The following FCAR variants were observed in gnomAD, a reference collection of about 807,000 sequenced individuals.
FCAR encodes Fc alpha receptor, also known as immunoglobulin alpha Fc receptor.
In FCAR, 21 loss-of-function variants were observed where a neutral mutation model predicts 27.1. The ratio of observed to expected loss-of-function variants is 0.77; its 90% confidence interval spans 0.55 to 1.11. The LOEUF (loss-of-function observed/expected upper bound fraction) is 1.11. Among genes scored for constraint, FCAR ranks in the 50% most tolerant of loss-of-function variants. The pLI, the probability that FCAR is intolerant of heterozygous loss-of-function variation, is 0.00. For synonymous variants in FCAR, 134 were observed against 135.8 expected, an observed-to-expected ratio of 0.99 and a Z score of 0.09; for missense variants, 404 against 358.4, an observed-to-expected ratio of 1.13 and a Z score of -1.03.
At chr19:54,888,447 C>T in intron 4 of FCAR, 153 bp downstream of exon 4, 1 of 1,435,242 alleles carries the variant, frequency 7.0e-7, no homozygotes, top group Non-Finnish European at 9.1e-7. Context: ...CCCCACCACA[C>T]TTTCCGCTTT....
intron 1 of FCAR, among the ~76,000 whole-genome samples, chr19:54,874,918 C>A (rs980425243): frequency 7.2e-4 from 109 of 152,104 alleles, no homozygotes; most frequent in Admixed American, 1.4e-3. Flanking sequence ...CACCTGCAAT[C>A]CCAGCACTTT....
intron 3 of FCAR, 46 bp downstream of exon 3, chr19:54,885,571 T>C (rs202172736): frequency 1.7e-4 from 237 of 1,388,746 alleles, no homozygotes; most frequent in South Asian, 6.6e-4. Context: ...ATTTTTTTCT[T>C]ATTTTTAATA....
intron 2 of FCAR, among the ~76,000 whole-genome samples, chr19:54,879,656 C>T (rs1302544517): frequency 4.1e-5 from 6 of 147,556 alleles, no homozygotes; most frequent in African/African-American, 1.5e-4. Flanking sequence ...CCTGCCCCTT[C>T]TTTTTTGCTG....
chr19:54,884,805 A>AT (rs111504118), intron 2 of FCAR, among the ~76,000 whole-genome samples: 49,705 of 151,142 alleles, frequency 0.33, 8,646 homozygotes, highest in Admixed American at 0.45. Context: ...TCTTTTTTTA[A>AT]TTTTTTTGTT....
At position 54,890,637 on chromosome 19, in the gene FCAR, C is replaced by A. The variant is rs1168219619; in HGVS notation, c.*774C>A. The stretch of plus-strand genomic sequence containing the variant: ...TAGAGACGGGGTTTCATCACATTGG[C>A]CAAGCTGGTCTCAAACTTCTGACCT... On this transcript the variant is annotated 3_prime_UTR_variant, in exon 5 of 5. Transcript: ENST00000355524. 3.3e-5 allele frequency: 5 copies of A among 151,774 alleles called. No homozygotes were observed. Among genetic ancestry groups the A allele is most frequent in the African/African-American group, 1.2e-4 (5 of 41,290 alleles). 9.4% of individuals were successfully genotyped at this position (151,774 alleles called of 1,614,324 possible).
At chr19:54,876,814 G>T (rs975017611) in intron 2 of FCAR, among the ~76,000 whole-genome samples, 1 of 152,092 alleles carries the variant, frequency 6.6e-6, no homozygotes, top group Non-Finnish European at 1.5e-5. Context: ...CCAGCTGCTC[G>T]GGAGGCTCAG....
intron 2 of FCAR, among the ~76,000 whole-genome samples, chr19:54,878,827 T>C (rs1036671203): frequency 9.9e-5 from 15 of 150,954 alleles, no homozygotes; most frequent in African/African-American, 3.6e-4. Context: ...ATGGATGTCA[T>C]TGCATATGAG....
intron 3 of FCAR, among the ~76,000 whole-genome samples, chr19:54,887,159 A>C (rs1234766971): frequency 6.6e-6 from 1 of 152,102 alleles, no homozygotes; most frequent in Admixed American, 6.6e-5. Flanking sequence ...AAAATCAAAA[A>C]ATTAGCTGGG....
intron 2 of FCAR, among the ~76,000 whole-genome samples, chr19:54,882,410 T>C (rs932157574): frequency 2.6e-5 from 4 of 151,884 alleles, no homozygotes; most frequent in African/African-American, 9.7e-5. Flanking sequence ...TTGCCAGAGT[T>C]CTTGTGTTGA....
Position 54,875,361 on chromosome 19 carries a change from G to A in FCAR, c.66G>A (p.Gln22=). Residue 22 remains glutamine (Q), a synonymous_variant, in exon 2 of 5, where the codon CAG becomes CAA. Transcript: ENST00000355524. ...GTCTGGGCCAGAGGATTCAGGCACA[G>A]GAAGGTAAGTGTCCTGTAAATCTCT... ...VLCLGQRIQA[Q]EGDFPMPFIS... 1 of 1,613,658 alleles carries A rather than the reference G, an allele frequency of 6.2e-7. No individual in the cohort carries two copies. Among genetic ancestry groups the A allele is most frequent in the South Asian group, 1.1e-5 (1 of 90,992 alleles).
chr19:54,883,678 G>A (rs1367052751), intron 2 of FCAR, among the ~76,000 whole-genome samples: 2 of 152,122 alleles, frequency 1.3e-5, no homozygotes, highest in East Asian at 1.9e-4. Context: ...AGAGCTACTG[G>A]GCATGGTGGC....
chr19:54,879,932 G>A (rs1167171616), intron 2 of FCAR, among the ~76,000 whole-genome samples: 4 of 152,086 alleles, frequency 2.6e-5, no homozygotes, highest in African/African-American at 4.8e-5. Flanking sequence ...TGATCCGCCC[G>A]CCTTGGTCTC....
At chr19:54,875,761 ACT>A (rs911586649) in intron 2 of FCAR, among the ~76,000 whole-genome samples, 6 of 152,032 alleles carry the variant, frequency 3.9e-5, no homozygotes, top group African/African-American at 1.4e-4. Flanking sequence ...CCTACTGAAC[ACT>A]CTAGCATTCT....
rs1158822445 is a variant in FCAR at position 54,891,133 on chromosome 19, C to T, written c.*1270C>T. ...ACTCAAATGGTCTTCCAAATAATTC[C>T]CCATTCTTTTTTCTTATAAACTTTC... On this transcript the variant is annotated 3_prime_UTR_variant, in exon 5 of 5. Coordinates refer to ENST00000355524, the MANE Select transcript of FCAR (RefSeq NM_002000.4). The T allele has an allele frequency of 2.0e-5, 3 of 152,028 alleles. No homozygotes were observed. Among genetic ancestry groups the T allele is most frequent in the African/African-American group, 7.2e-5 (3 of 41,398 alleles). The allele number at this position is 152,028 out of a possible 1,614,324, so 9.4% of individuals were successfully genotyped here. A position where few individuals can be genotyped will look rare whatever the true frequency, so the allele number is the denominator to read the frequency against.
At position 54,885,368 on chromosome 19, in the gene FCAR, C is replaced by T. The variant is rs150918480; in HGVS notation, c.204C>T (p.Tyr68=). The change falls in exon 3 of 5, where the codon TAC becomes TAT. Residue 68 remains tyrosine, a synonymous_variant. Transcript: ENST00000355524. ...TQLMIIKNST[Y]REIGRRLKFW... ...TGATGATCATAAAAAACTCCACGTA[C>T]CGAGAGATAGGCAGAAGACTGAAGT... 6 of 1,613,942 alleles carry T rather than the reference C, an allele frequency of 3.7e-6. No individual in the cohort carries two copies. Among genetic ancestry groups the T allele is most frequent in the Middle Eastern group, 1.6e-4 (1 of 6,082 alleles).
chr19:54,886,322 T>A (rs1172722617), intron 3 of FCAR, among the ~76,000 whole-genome samples: 1 of 129,526 alleles, frequency 7.7e-6, no homozygotes, highest in Non-Finnish European at 1.6e-5. Context: ...TTTTTTTTTT[T>A]TTGAGATGGA....
chr19:54,885,372 G>T lies in FCAR; in HGVS notation c.208G>T (p.Glu70Ter), dbSNP rs747319393. ...LMIIKNSTYR[E>*]IGRRLKFWNE... Reference sequence around the variant, plus strand: ...GATCATAAAAAACTCCACGTACCGAGAGATAGGCAGAAGACTGAAGTTTTG... The same window carrying T: ...GATCATAAAAAACTCCACGTACCGATAGATAGGCAGAAGACTGAAGTTTTG... Residue 70 changes from glutamate (E) to a stop codon, truncating the protein, a stop_gained, in exon 3 of 5, where the codon GAG (glutamate) becomes TAG (stop). Coordinates refer to ENST00000355524, the MANE Select transcript of FCAR (RefSeq NM_002000.4). LOFTEE classifies it high-confidence loss of function. The T allele has an allele frequency of 4.3e-6, 7 of 1,613,934 alleles. No homozygotes were observed. Among genetic ancestry groups the T allele is most frequent in the Non-Finnish European group, 5.9e-6 (7 of 1,180,026 alleles).
In FCAR at chr19:54,885,460, A is replaced by G. The variant is rs911806391; in HGVS notation, c.296A>G (p.Gln99Arg). Residue 99 changes from glutamine to arginine, a missense_variant, in exon 3 of 5, where the codon CAG (glutamine) becomes CGG (arginine). Physicochemically the swap from Gln to Arg is conservative, Grantham distance 43 (BLOSUM62 1). Transcript: ENST00000355524. ...HMDANKAGRY[Q>R]CQYRIGHYRF... ...GACGCAAACAAGGCAGGGCGCTATCAGTGCCAATATAGGATAGGGCACTAC... is the reference window on the plus strand; with the variant it reads ...GACGCAAACAAGGCAGGGCGCTATCGGTGCCAATATAGGATAGGGCACTAC... 3 of 1,613,802 alleles carry G rather than the reference A, an allele frequency of 1.9e-6. No individual in the cohort carries two copies. The highest frequency in any genetic ancestry group is 1.3e-5 in the African/African-American group (1 of 74,926).
rs146751566 is a variant in FCAR at position 54,885,289 on chromosome 19, A to G, written c.125A>G (p.Asp42Gly). 13 of 1,613,952 alleles carry G rather than the reference A, an allele frequency of 8.1e-6. No homozygotes were observed. The highest frequency in any genetic ancestry group is 1.1e-5 in the Non-Finnish European group (13 of 1,179,936). Residue 42 changes from aspartate to glycine, a missense_variant, in exon 3 of 5, where the codon GAT becomes GGT. Physicochemically the swap from Asp to Gly is moderately conservative, Grantham distance 94. Coordinates refer to ENST00000355524, the MANE Select transcript of FCAR (RefSeq NM_002000.4). The part of the protein sequence containing the change: ...SAKSSPVIPL[D>G]GSVKIQCQAI... ...AAATCGAGTCCTGTGATTCCCTTGG[A>G]TGGATCTGTGAAAATCCAGTGCCAG...
Sources: allele counts gnomAD v4.1 joint callset (sites outside exome capture counted in the v4.1 genomes callset), GRCh38; gene constraint gnomAD v4.1.1; transcripts MANE v1.5; gene names NCBI Gene and HGNC (gene_info 2026-07-23, HGNC 2026-07-21).